UGT2B11: variants seen among roughly 807,000 people sequenced by gnomAD.
UGT2B11 encodes UDP glucuronosyltransferase family 2 member B11, also known as UDP-glucuronosyltransferase 2B11.
UGT2B11 carries 49 observed loss-of-function variants against 51.7 expected under a neutral mutation model. The ratio of observed to expected loss-of-function variants is 0.95; its 90% confidence interval spans 0.75 to 1.20. UGT2B11 has a LOEUF of 1.20. Ranked by LOEUF, UGT2B11 falls within the 50% of genes most tolerant of loss-of-function variation. The probability of loss-of-function intolerance (pLI) is 0.00; values close to 1 mark genes in which losing one functional copy is unlikely to be tolerated. For missense variants in UGT2B11, 810 were observed against 622.1 expected (o/e 1.30, Z -3.21); for synonymous variants, 273 against 209.0 (o/e 1.31, Z -2.64).
chr4:69,211,141 C>G (rs1465895595), intron 2 of UGT2B11: 1 of 151,532 alleles, frequency 6.6e-6, no homozygotes, highest in Non-Finnish European at 1.5e-5. Flanking sequence ...ATCATCTGCT[C>G]TAATAGGTAT....
chr4:69,220,764 A>T, the UGT2B11 span, among the ~76,000 whole-genome samples: 1 of 151,960 alleles, frequency 6.6e-6, no homozygotes, highest in South Asian at 2.1e-4. Context: ...TTCAGTAATG[A>T]TTCCTGACTG....
chr4:69,214,724 C>T lies in UGT2B11; in HGVS notation c.-2G>A. The T allele has an allele frequency of 6.2e-7, 1 of 1,611,102 alleles. No individual in the cohort carries two copies. ...AACTGAAGTCCATTTCAGAGTCATC[C>T]TGGTGCAATGCGATCATTCTTTTCC... On this transcript the variant is annotated 5_prime_UTR_variant, in exon 1 of 6. Transcript: ENST00000446444.
upstream of UGT2B11, among the ~76,000 whole-genome samples, chr4:69,218,746 A>G (rs1413830206): frequency 6.6e-6 from 1 of 152,116 alleles, no homozygotes; most frequent in Non-Finnish European, 1.5e-5. Flanking sequence ...ATTACAGAGT[A>G]GGGCATCCTC....
chr4:69,209,270 CT>C (rs1424795134), intron 2 of UGT2B11, among the ~76,000 whole-genome samples: 1 of 151,616 alleles, frequency 6.6e-6, no homozygotes, highest in Non-Finnish European at 1.5e-5. Context: ...TGAAATCACA[CT>C]GTTAAATTGA....
chr4:69,208,096 G>T (rs141353189), intron 3 of UGT2B11, among the ~76,000 whole-genome samples: 2 of 151,394 alleles, frequency 1.3e-5, no homozygotes, highest in Admixed American at 6.6e-5. Context: ...GGATACCTAC[G>T]GAGTACTGAG....
chr4:69,223,315 C>A, the UGT2B11 span, among the ~76,000 whole-genome samples: 1 of 152,052 alleles, frequency 6.6e-6, no homozygotes, highest in African/African-American at 2.4e-5. Context: ...CAGGGATGCC[C>A]GCACCGCTGG....
intron 3 of UGT2B11, among the ~76,000 whole-genome samples, chr4:69,207,104 T>C (rs1305466640): frequency 6.6e-6 from 1 of 151,602 alleles, no homozygotes; most frequent in Non-Finnish European, 1.5e-5. Flanking sequence ...AACCTTTTGG[T>C]ATCATGAATA....
upstream of UGT2B11, chr4:69,216,383 A>G (rs183845980): frequency 2.6e-5 from 4 of 152,184 alleles, no homozygotes; most frequent in East Asian, 5.8e-4. Flanking sequence ...ATAAATATGA[A>G]ATCAAGTTCC....
chr4:69,223,407 T>C, the UGT2B11 span, among the ~76,000 whole-genome samples: 1 of 152,182 alleles, frequency 6.6e-6, no homozygotes, highest in Non-Finnish European at 1.5e-5. Flanking sequence ...CCACTTTTCC[T>C]GAGCCCTCCA....
intron 5 of UGT2B11, among the ~76,000 whole-genome samples, chr4:69,203,567 T>C (rs537052881): frequency 1.3e-5 from 2 of 151,802 alleles, no homozygotes; most frequent in African/African-American, 4.8e-5. Context: ...GTAGCCACAA[T>C]TGGAAACAAT....
At position 69,209,068 on chromosome 4, in the gene UGT2B11, CAAAAAAT is replaced by C. The variant is rs200628601; in HGVS notation, c.871-593_871-587del. 1.5e-3 allele frequency among the ~76,000 whole-genome samples: 220 copies of C among 150,790 alleles called. 2 individuals carry two copies. The highest frequency in any genetic ancestry group is 5.0e-3 in the African/African-American group (204 of 41,132). ...TTGTCAGAGTTTTCCAGTAGTTTTT[CAAAAAAT>C]AAAAAATGAAAATAAAAGCTGGTGG... On this transcript the variant is annotated intron_variant, in intron 2 of 5. Coordinates refer to ENST00000446444, the MANE Select transcript of UGT2B11 (RefSeq NM_001073.3).
At position 69,212,344 on chromosome 4, in the gene UGT2B11, C is replaced by T. The variant is rs116235354; in HGVS notation, c.870+229G>A. Reference sequence around the variant, plus strand: ...ATAATCAACATTTTACTTTAATCAACCCTACATTCAAAGTCTCCTTACTAT... The same window carrying T: ...ATAATCAACATTTTACTTTAATCAATCCTACATTCAAAGTCTCCTTACTAT... On this transcript the variant is annotated intron_variant, in intron 2 of 5. Coordinates refer to ENST00000446444, the MANE Select transcript of UGT2B11 (RefSeq NM_001073.3). Among the ~76,000 whole-genome samples, 289 of 151,564 alleles carry T rather than the reference C, an allele frequency of 1.9e-3. 1 individual carries two copies. The highest frequency in any genetic ancestry group is 6.6e-3 in the African/African-American group (275 of 41,438).
At position 69,214,412 on chromosome 4, in the gene UGT2B11, C is replaced by G. The variant is rs1423455309; in HGVS notation, c.311G>C (p.Ser104Thr). ...TTCTTGTGAAAAATATAACCAAAAG[C>G]TATCTTTTCGAATGTCTGACCATCT... ...VKRWSDIRKD[S>T]FWLYFSQEQE... The change falls in exon 1 of 6, where the codon AGC (serine) becomes ACC (threonine). Residue 104 changes from serine (S) to threonine (T), a missense_variant. Coordinates refer to ENST00000446444, the MANE Select transcript of UGT2B11 (RefSeq NM_001073.3). The G allele has an allele frequency of 5.0e-6, 8 of 1,612,854 alleles. No homozygotes were observed. Among genetic ancestry groups the G allele is most frequent in the South Asian group, 1.1e-5 (1 of 91,032 alleles).
At chr4:69,215,054 A>T (rs2109957120), upstream of UGT2B11, 1 of 221,690 alleles carries the variant, frequency 4.5e-6, no homozygotes, top group South Asian at 1.1e-4. Context: ...ACACAGAATA[A>T]GAGATGAAAT....
chr4:69,209,329 G>T (rs1306019947), intron 2 of UGT2B11, among the ~76,000 whole-genome samples: 1 of 151,582 alleles, frequency 6.6e-6, no homozygotes, highest in Non-Finnish European at 1.5e-5. Context: ...TCACTTTGTT[G>T]TGTCTCAGAG....
At chr4:69,208,037 CTT>C (rs1339279551) in intron 3 of UGT2B11, among the ~76,000 whole-genome samples, 1 of 151,526 alleles carries the variant, frequency 6.6e-6, no homozygotes, top group Non-Finnish European at 1.5e-5. Flanking sequence ...ATGTATGACT[CTT>C]AATATCAGAA....
chr4:69,205,577 T>G lies in UGT2B11; in HGVS notation c.1003-10A>C. 1 of 1,608,078 alleles carries G rather than the reference T, an allele frequency of 6.2e-7. No individual in the cohort carries two copies. Among genetic ancestry groups the G allele is most frequent in the Non-Finnish European group, 8.5e-7 (1 of 1,176,830 alleles). On this transcript the variant is annotated splice_polypyrimidine_tract_variant and intron_variant, in intron 3 of 5. Transcript: ENST00000446444. The stretch of plus-strand genomic sequence containing the variant: ...CAAATCTCCACAGAACCTGTTACAG[T>G]AAAGAGAATATCTTATTCCATGAGT...
At chr4:69,208,193 C>T (rs1721928577) in intron 3 of UGT2B11, among the ~76,000 whole-genome samples, 158 bp downstream of exon 3, 1 of 151,488 alleles carries the variant, frequency 6.6e-6, no homozygotes, top group Admixed American at 6.6e-5. Context: ...GTCTGAGGCA[C>T]AACTATTACT....
intron 2 of UGT2B11, among the ~76,000 whole-genome samples, chr4:69,211,556 A>T (rs552137045): frequency 6.6e-6 from 1 of 151,690 alleles, no homozygotes; most frequent in Non-Finnish European, 1.5e-5. Context: ...AATTAATAAC[A>T]TTTCTGAGTC....
Sources: gnomAD v4.1 joint callset for allele counts (sites outside exome capture counted in the v4.1 genomes callset) on GRCh38, gnomAD v4.1.1 for gene constraint, MANE v1.5 for transcripts, NCBI Gene and HGNC (gene_info 2026-07-23, HGNC 2026-07-21) for gene names.